CCL2: variants seen among roughly 807,000 people sequenced by gnomAD.
CCL2 encodes the protein C-C motif chemokine ligand 2.
A neutral mutation model predicts 6.7 loss-of-function variants in CCL2; 2 were observed. The observed-to-expected ratio is 0.30, with a 90% CI of 0.12 to 0.94. The LOEUF is 0.94. Ranked by LOEUF, CCL2 falls within the 40% of genes least tolerant of loss-of-function variation. The pLI, the probability that CCL2 is intolerant of heterozygous loss-of-function variation, is 0.54. For missense variants in CCL2, 89 were observed against 119.3 expected, an observed-to-expected ratio of 0.75 and a Z score of 1.18; for synonymous variants, 43 against 45.2, an observed-to-expected ratio of 0.95 and a Z score of 0.19.
At chr17:34,256,506 T>C (rs1406247395) in intron 2 of CCL2, 167 bp downstream of exon 2, 7 of 626,372 alleles carry the variant, frequency 1.1e-5, no homozygotes, top group African/African-American at 1.8e-5. Flanking sequence ...AACATCACTC[T>C]CCACCTGGGT....
Position 34,256,779 on chromosome 17 carries a change from G to A in CCL2, c.252G>A (p.Gln84=), listed in dbSNP as rs779304120. Residue 84 remains glutamine, a synonymous_variant, in exon 3 of 3, where the codon CAG becomes CAA. Coordinates refer to ENST00000225831, the MANE Select transcript of CCL2 (RefSeq NM_002982.4). ...ICADPKQKWV[Q]DSMDHLDKQT... is the part of the protein sequence containing the mutation. ...CTGACCCCAAGCAGAAGTGGGTTCA[G>A]GATTCCATGGACCACCTGGACAAGC... The A allele has an allele frequency of 1.2e-6, 2 of 1,613,848 alleles. No homozygotes were observed. Among genetic ancestry groups the A allele is most frequent in the South Asian group, 2.2e-5 (2 of 91,066 alleles).
intron 1 of CCL2, chr17:34,255,900 C>T: frequency 6.9e-6 from 2 of 290,516 alleles, no homozygotes; most frequent in Middle Eastern, 1.1e-3. Flanking sequence ...GTGGGGCTCC[C>T]CAGCTGATCT....
intron 1 of CCL2, 144 bp from the exon 2 acceptor site, chr17:34,256,078 T>TGA (rs1415051130): frequency 1.6e-6 from 1 of 626,252 alleles, no homozygotes; most frequent in Non-Finnish European, 2.9e-6. Flanking sequence ...AGCTCTGAGG[T>TGA]ATAGGCAGAA....
Position 34,255,396 on chromosome 17 carries a change from C to T in CCL2, c.47C>T (p.Thr16Ile). Reference protein sequence around the residue: ...ALLCLLLIAATFIPQGLAQPD... With the variant: ...ALLCLLLIAAIFIPQGLAQPD... Reference sequence around the variant, plus strand: ...CTGTGCCTGCTGCTCATAGCAGCCACCTTCATTCCCCAAGGGCTCGCTCAG... The same window carrying T: ...CTGTGCCTGCTGCTCATAGCAGCCATCTTCATTCCCCAAGGGCTCGCTCAG... Residue 16 changes from threonine to isoleucine, a missense_variant, in exon 1 of 3, where the codon ACC (threonine) becomes ATC (isoleucine). Coordinates refer to ENST00000225831, the MANE Select transcript of CCL2 (RefSeq NM_002982.4). 1.9e-6 allele frequency: 3 copies of T among 1,613,958 alleles called. No individual in the cohort carries two copies. Among genetic ancestry groups the T allele is most frequent in the South Asian group, 1.1e-5 (1 of 91,064 alleles).
At chr17:34,256,527 A>G in intron 2 of CCL2, 188 bp downstream of exon 2, 1 of 618,286 alleles carries the variant, frequency 1.6e-6, no homozygotes, top group Non-Finnish European at 2.9e-6. Context: ...GCCTATTCAG[A>G]ACACCCCAAT....
intron 2 of CCL2, 110 bp from the exon 3 acceptor site, chr17:34,256,612 C>G (rs1463184677): frequency 1.3e-5 from 10 of 741,170 alleles, no homozygotes; most frequent in Non-Finnish European, 2.3e-5. Flanking sequence ...CCTCCTTCCA[C>G]CTGCGTTCCT....
In CCL2 at chr17:34,256,234, C is replaced by T; in HGVS notation, c.89C>T (p.Ala30Val). ...GTTTATTTTCCAGATGCAATCAATG[C>T]CCCAGTCACCTGCTGTTATAACTTC... is the stretch of plus-strand genomic sequence containing the variant. ...QGLAQPDAIN[A>V]PVTCCYNFTN... The change falls in exon 2 of 3, where the codon GCC becomes GTC. Residue 30 changes from alanine (A) to valine (V), a missense_variant. Physicochemically the swap from Ala to Val is moderately conservative, Grantham distance 64. Coordinates refer to ENST00000225831, the MANE Select transcript of CCL2 (RefSeq NM_002982.4). 1.9e-6 allele frequency: 3 copies of T among 1,608,050 alleles called. No homozygotes were observed. The highest frequency in any genetic ancestry group is 2.6e-6 in the Non-Finnish European group (3 of 1,174,904).
intron 1 of CCL2, chr17:34,255,631 C>A (rs1327584339): frequency 7.4e-6 from 4 of 538,302 alleles, no homozygotes; most frequent in Non-Finnish European, 9.9e-6. Context: ...AACCCCAAAT[C>A]CAGCTCCTTC....
At position 34,256,254 on chromosome 17, in the gene CCL2, A is replaced by G. The variant is rs1305394397; in HGVS notation, c.109A>G (p.Asn37Asp). 1 of 1,613,410 alleles carries G rather than the reference A, an allele frequency of 6.2e-7. No individual in the cohort carries two copies. Among genetic ancestry groups the G allele is most frequent in the Non-Finnish European group, 8.5e-7 (1 of 1,179,510 alleles). Reference protein sequence around the residue: ...AINAPVTCCYNFTNRKISVQR... With the variant: ...AINAPVTCCYDFTNRKISVQR... ...CAATGCCCCAGTCACCTGCTGTTAT[A>G]ACTTCACCAATAGGAAGATCTCAGT... is the stretch of plus-strand genomic sequence containing the variant. Residue 37 changes from asparagine to aspartate, a missense_variant, in exon 2 of 3, where the codon AAC becomes GAC. By Grantham distance (23) the Asn-to-Asp change is conservative. Transcript: ENST00000225831.
chr17:34,255,519 T>A, intron 1 of CCL2, 94 bp downstream of exon 1: 1 of 1,100,680 alleles, frequency 9.1e-7, no homozygotes, highest in Non-Finnish European at 1.4e-6. Flanking sequence ...AGTCTTGCTT[T>A]AACGCTACTT....
At chr17:34,255,643 A>G (rs1367021828) in intron 1 of CCL2, 7 of 533,146 alleles carry the variant, frequency 1.3e-5, no homozygotes, top group Non-Finnish European at 2.3e-5. Flanking sequence ...AGCTCCTTCC[A>G]GGATTCCAGC....
intron 1 of CCL2, chr17:34,255,899 C>T (rs1483684033): frequency 3.5e-6 from 1 of 288,844 alleles, no homozygotes; most frequent in Non-Finnish European, 6.5e-6. Flanking sequence ...AGTGGGGCTC[C>T]CCAGCTGATC....
chr17:34,256,412 T>C (rs1045059704), intron 2 of CCL2, 73 bp downstream of exon 2: 4 of 1,027,598 alleles, frequency 3.9e-6, no homozygotes, highest in Non-Finnish European at 6.1e-6. Context: ...CTCATAAACC[T>C]AGAGTCAGAG....
chr17:34,256,634 C>A, intron 2 of CCL2, 88 bp from the exon 3 acceptor site: 2 of 893,078 alleles, frequency 2.2e-6, no homozygotes, highest in East Asian at 2.4e-5. Flanking sequence ...CTCTAGCTCC[C>A]ATGGCAGCCC....
chr17:34,256,662 T>C (rs1251265252), intron 2 of CCL2, 60 bp from the exon 3 acceptor site: 5 of 1,203,468 alleles, frequency 4.2e-6, no homozygotes, highest in Admixed American at 3.7e-5. Context: ...CAGAATGGGC[T>C]GCACTTCTAG....
rs778276611 is a variant in CCL2 at position 34,255,396 on chromosome 17, C to G, written c.47C>G (p.Thr16Ser). 7 of 1,613,840 alleles carry G rather than the reference C, an allele frequency of 4.3e-6. No homozygotes were observed. The highest frequency in any genetic ancestry group is 5.9e-6 in the Non-Finnish European group (7 of 1,179,916). ...CTGTGCCTGCTGCTCATAGCAGCCA[C>G]CTTCATTCCCCAAGGGCTCGCTCAG... ...ALLCLLLIAA[T>S]FIPQGLAQPD... The change falls in exon 1 of 3, where the codon ACC becomes AGC. Residue 16 changes from threonine (T) to serine (S), a missense_variant. By Grantham distance (58) the Thr-to-Ser change is moderately conservative. Coordinates refer to ENST00000225831, the MANE Select transcript of CCL2 (RefSeq NM_002982.4).
At position 34,256,732 on chromosome 17, in the gene CCL2, A is replaced by G. The variant is rs148285031; in HGVS notation, c.205A>G (p.Ile69Val). 6.5e-5 allele frequency: 104 copies of G among 1,612,206 alleles called. No individual in the cohort carries two copies. The African/African-American group carries it at 1.2e-3, about 18-fold the overall frequency. Residue 69 changes from isoleucine (I) to valine (V), a missense_variant, in exon 3 of 3, where the codon ATT becomes GTT. Coordinates refer to ENST00000225831, the MANE Select transcript of CCL2 (RefSeq NM_002982.4). ...CCTCCCTCCCCACAGCTTCAAGACC[A>G]TTGTGGCCAAGGAGATCTGTGCTGA... ...CPKEAVIFKTIVAKEICADPK... is the reference protein window; with the variant it reads ...CPKEAVIFKTVVAKEICADPK...
intron 1 of CCL2, 96 bp from the exon 2 acceptor site, chr17:34,256,126 T>A: frequency 1.3e-6 from 1 of 774,406 alleles, no homozygotes. Flanking sequence ...TTCTCCTGCC[T>A]GCCTTTTGCT....
At position 34,255,387 on chromosome 17, in the gene CCL2, T is replaced by C. The variant is rs748658453; in HGVS notation, c.38T>C (p.Ile13Thr). The C allele has an allele frequency of 6.2e-7, 1 of 1,613,982 alleles. No individual in the cohort carries two copies. The highest frequency in any genetic ancestry group is 8.5e-7 in the Non-Finnish European group (1 of 1,179,904). ...GCCGCCCTTCTGTGCCTGCTGCTCA[T>C]AGCAGCCACCTTCATTCCCCAAGGG... ...VSAALLCLLL[I>T]AATFIPQGLA... Residue 13 changes from isoleucine to threonine, a missense_variant, in exon 1 of 3, where the codon ATA becomes ACA. Ile to Thr is a moderately conservative substitution (Grantham distance 89). Transcript: ENST00000225831.
Sources: gnomAD v4.1 joint callset for allele counts on GRCh38, gnomAD v4.1.1 for gene constraint, MANE v1.5 for transcripts, NCBI Gene and HGNC (gene_info 2026-07-23, HGNC 2026-07-21) for gene names.